Variants in CNOT6L observed in about 807,000 individuals in gnomAD.
CNOT6L encodes the protein CCR4-NOT transcription complex subunit 6-like.
CNOT6L carries 7 observed loss-of-function variants against 64.0 expected under a neutral mutation model. The observed-to-expected ratio is 0.11, with a 90% CI of 0.06 to 0.21. CNOT6L has a LOEUF of 0.21. Ranked by LOEUF, CNOT6L falls within the 10% of genes least tolerant of loss-of-function variation. CNOT6L has a pLI of 1.00. For missense variants in CNOT6L, 245 were observed against 669.0 expected (o/e 0.37, Z 6.99); for synonymous variants, 193 against 243.4 (o/e 0.79, Z 1.93).
chr4:77,755,967 C>CT (rs1266903617), intron 5 of CNOT6L, among the ~76,000 whole-genome samples: 84 of 151,316 alleles, frequency 5.6e-4, no homozygotes, highest in African/African-American at 1.6e-3. Context: ...TAATAGTCTT[C>CT]TTTTTTTGTT....
At chr4:77,817,183 A>T (rs1206785239) in intron 1 of CNOT6L, among the ~76,000 whole-genome samples, 2 of 152,224 alleles carry the variant, frequency 1.3e-5, no homozygotes, top group African/African-American at 4.8e-5. Context: ...AAAATCATAA[A>T]GAATAATGAA....
Position 77,733,299 on chromosome 4 carries a change from T to C in CNOT6L, c.873-1761A>G, listed in dbSNP as rs532606353. Among the ~76,000 whole-genome samples, 37 of 152,210 alleles carry C rather than the reference T, an allele frequency of 2.4e-4. 1 individual carries two copies. Among genetic ancestry groups the C allele is most frequent in the Non-Finnish European group, 3.2e-4 (22 of 67,964 alleles). Reference sequence around the variant, plus strand: ...TTTGGTTACAGAGTATTATTAAAAATCCTGATTCACACAGCTATAAATGGT... The same window carrying C: ...TTTGGTTACAGAGTATTATTAAAAACCCTGATTCACACAGCTATAAATGGT... On this transcript the variant is annotated intron_variant, in intron 8 of 11. Transcript: ENST00000504123.
chr4:77,741,732 T>G (rs1483986528), intron 8 of CNOT6L, among the ~76,000 whole-genome samples: 2 of 152,110 alleles, frequency 1.3e-5, no homozygotes, highest in African/African-American at 2.4e-5. Flanking sequence ...ATTTAGTGAA[T>G]AAATGATTTT....
intron 1 of CNOT6L, among the ~76,000 whole-genome samples, chr4:77,805,819 C>T (rs565424430): frequency 7.9e-5 from 12 of 152,244 alleles, no homozygotes; most frequent in African/African-American, 2.9e-4. Flanking sequence ...GATTAAGAAT[C>T]CATGAATTAG....
At chr4:77,755,759 G>T (rs1393422042) in intron 5 of CNOT6L, among the ~76,000 whole-genome samples, 1 of 152,038 alleles carries the variant, frequency 6.6e-6, no homozygotes, top group African/African-American at 2.4e-5. Context: ...ACGATAAAGA[G>T]AATTTTAAAA....
intron 1 of CNOT6L, among the ~76,000 whole-genome samples, chr4:77,798,784 C>T (rs1472921804): frequency 6.7e-6 from 1 of 148,666 alleles, no homozygotes; most frequent in Non-Finnish European, 1.5e-5. Flanking sequence ...AGGAGTTCAA[C>T]ATGAGCCTGG....
At chr4:77,731,572 A>T (rs1460562050) in intron 8 of CNOT6L, 34 bp from the exon 9 acceptor site, 1 of 1,412,664 alleles carries the variant, frequency 7.1e-7, no homozygotes, top group Admixed American at 2.5e-5. Flanking sequence ...TTAGGTACCT[A>T]GACTATCATG....
At chr4:77,811,299 C>A (rs947691605) in intron 1 of CNOT6L, among the ~76,000 whole-genome samples, 2 of 152,128 alleles carry the variant, frequency 1.3e-5, no homozygotes, top group Middle Eastern at 3.2e-3. Flanking sequence ...CCTGTAATCC[C>A]AGCACTTTGG....
rs560495017 is a variant in CNOT6L, at chr4:77,800,304, C to A, written c.5+19000G>T. ...ACTGCTTGAGCCCAGGCGTTCAAGG[C>A]CAGCCTGGGCAACATAGTGAGACCC... is the stretch of plus-strand genomic sequence containing the variant. On this transcript the variant is annotated intron_variant, in intron 1 of 11. Coordinates refer to ENST00000504123, the MANE Select transcript of CNOT6L (RefSeq NM_144571.3). 1.3e-4 allele frequency among the ~76,000 whole-genome samples: 20 copies of A among 152,050 alleles called. No homozygotes were observed. In the East Asian group the frequency reaches 3.7e-3, roughly 28 times the overall value.
intron 1 of CNOT6L, among the ~76,000 whole-genome samples, chr4:77,796,234 G>A (rs547388464): frequency 2.6e-5 from 4 of 152,066 alleles, no homozygotes; most frequent in South Asian, 4.2e-4. Context: ...AAAAGCTAAC[G>A]CTGAAACAAC....
At chr4:77,757,859 C>T (rs1042947063) in intron 4 of CNOT6L, among the ~76,000 whole-genome samples, 1 of 152,114 alleles carries the variant, frequency 6.6e-6, no homozygotes, top group Admixed American at 6.5e-5. Context: ...CGCCACCACG[C>T]CCACTAATTT....
chr4:77,781,261 T>C (rs1484812912), intron 1 of CNOT6L, among the ~76,000 whole-genome samples: 1 of 152,078 alleles, frequency 6.6e-6, no homozygotes, highest in Non-Finnish European at 1.5e-5. Flanking sequence ...GACGGGTTGA[T>C]AGGTGCAACA....
At chr4:77,742,086 T>C (rs918446611) in intron 8 of CNOT6L, 55 bp downstream of exon 8, 3 of 1,501,252 alleles carry the variant, frequency 2.0e-6, no homozygotes, top group Non-Finnish European at 2.7e-6. Context: ...AATTTTAAAG[T>C]GTAAGCATTT....
intron 1 of CNOT6L, 39 bp from the exon 2 acceptor site, chr4:77,776,431 T>G: frequency 1.4e-6 from 2 of 1,396,304 alleles, no homozygotes; most frequent in Non-Finnish European, 2.0e-6. Flanking sequence ...ATAATTATTA[T>G]AGTCTTACTT....
At chr4:77,742,698 C>A (rs77254658) in intron 7 of CNOT6L, among the ~76,000 whole-genome samples, 1,609 of 152,176 alleles carry the variant, frequency 0.011, 31 homozygotes, top group African/African-American at 0.037. Flanking sequence ...CTTGCATATC[C>A]TTCTGAACTA....
intron 4 of CNOT6L, among the ~76,000 whole-genome samples, chr4:77,762,145 T>C (rs576769717): frequency 1.4e-4 from 22 of 152,294 alleles, no homozygotes; most frequent in Admixed American, 7.8e-4. Context: ...GATTAAGGTA[T>C]TGATTATCCA....
At chr4:77,788,476 C>A (rs955656032) in intron 1 of CNOT6L, among the ~76,000 whole-genome samples, 1 of 152,090 alleles carries the variant, frequency 6.6e-6, no homozygotes, top group Non-Finnish European at 1.5e-5. Flanking sequence ...GCCTGTAATC[C>A]CAGCACTTTG....
intron 4 of CNOT6L, among the ~76,000 whole-genome samples, chr4:77,761,285 G>A (rs1394438343): frequency 6.6e-6 from 1 of 152,090 alleles, no homozygotes; most frequent in East Asian, 1.9e-4. Context: ...CCAAATTAGT[G>A]CAGGAGAATC....
chr4:77,819,228 C>T (rs768931088), intron 1 of CNOT6L, 76 bp downstream of exon 1: 2 of 1,612,422 alleles, frequency 1.2e-6, no homozygotes, highest in African/African-American at 1.3e-5. Context: ...TTGTCCCTCT[C>T]CCACCTCATT....
Sources: gnomAD v4.1 joint callset for allele counts (sites outside exome capture counted in the v4.1 genomes callset) on GRCh38, gnomAD v4.1.1 for gene constraint, MANE v1.5 for transcripts, NCBI Gene and HGNC (gene_info 2026-07-23, HGNC 2026-07-21) for gene names.